Variants in SLC4A4 observed in about 807,000 individuals in gnomAD.
SLC4A4 encodes the protein solute carrier family 4 member 4.
In SLC4A4, 27 loss-of-function variants were observed where a neutral mutation model predicts 111.5. The ratio of observed to expected loss-of-function variants is 0.24; its 90% CI spans 0.18 to 0.33. The LOEUF (loss-of-function observed/expected upper bound fraction) is 0.33. SLC4A4 is among the 10% of genes least tolerant of loss of function. SLC4A4 has a pLI of 1.00. For synonymous variants in SLC4A4, 443 were observed against 463.4 expected (o/e 0.96, Z 0.57); for missense variants, 909 against 1,315.5 (o/e 0.69, Z 4.78).
In SLC4A4 at chr4:71,569,557, A is replaced by C. The variant is rs1398130228; in HGVS notation, c.*1806A>C. The C allele has an allele frequency of 6.6e-6, 1 of 151,706 alleles. No homozygotes were observed. The highest frequency in any genetic ancestry group is 2.4e-5 in the African/African-American group (1 of 41,370). 9.4% of individuals were successfully genotyped at this position (151,706 alleles called of 1,614,324 possible). A position where few individuals can be genotyped will look rare whatever the true frequency, so the allele number is the denominator to read the frequency against. ...TAATATGATACATTACATATTGTGAATGTATACTAAAAAAACATTTTAAAT... is the reference window on the plus strand; with the variant it reads ...TAATATGATACATTACATATTGTGACTGTATACTAAAAAAACATTTTAAAT... On this transcript the variant is annotated 3_prime_UTR_variant, in exon 26 of 26. Transcript: ENST00000264485.
At chr4:71,105,565 A>G (rs1742890688) in intron 2 of SLC4A4, among the ~76,000 whole-genome samples, 2 of 149,452 alleles carry the variant, frequency 1.3e-5, no homozygotes, top group Non-Finnish European at 3.0e-5. Context: ...TACTGGTACC[A>G]AAACAGAGAT....
intron 1 of SLC4A4, among the ~76,000 whole-genome samples, chr4:71,195,731 G>A (rs1206928707): frequency 6.6e-6 from 1 of 152,088 alleles, no homozygotes; most frequent in Non-Finnish European, 1.5e-5. Flanking sequence ...TTGACACATG[G>A]GATTTAAAAA....
chr4:71,300,765 T>G, intron 3 of SLC4A4: 1 of 365,286 alleles, frequency 2.7e-6, no homozygotes, highest in Non-Finnish European at 5.5e-6. Context: ...ACAGGCCATC[T>G]GGTGGATAGC....
chr4:71,255,167 C>G, intron 2 of SLC4A4, 53 bp from the exon 3 acceptor site: 1 of 1,467,108 alleles, frequency 6.8e-7, no homozygotes, highest in Non-Finnish European at 9.6e-7. Flanking sequence ...TGCAATTTGT[C>G]TGCAGTAGAG....
intron 1 of SLC4A4, among the ~76,000 whole-genome samples, chr4:71,218,590 T>C (rs1242438449): frequency 3.3e-5 from 5 of 152,180 alleles, no homozygotes; most frequent in Admixed American, 2.6e-4. Flanking sequence ...CTATTAGCAC[T>C]ATAATATTAT....
chr4:71,191,382 T>C (rs1745726156), intron 1 of SLC4A4, among the ~76,000 whole-genome samples: 1 of 152,240 alleles, frequency 6.6e-6, no homozygotes, highest in Non-Finnish European at 1.5e-5. Flanking sequence ...GGGATTGTTA[T>C]GCTTATTGAG....
intron 16 of SLC4A4, among the ~76,000 whole-genome samples, chr4:71,528,274 T>A (rs1362433503): frequency 6.6e-6 from 1 of 152,148 alleles, no homozygotes; most frequent in Non-Finnish European, 1.5e-5. Flanking sequence ...TGAGAATATA[T>A]GTTAATGCCA....
Position 71,459,559 on chromosome 4 carries a change from A to G in SLC4A4, c.1497+5890A>G, listed in dbSNP as rs140941255. Among the ~76,000 whole-genome samples the G allele has an allele frequency of 2.6e-4, 40 of 152,216 alleles. 3 individuals are homozygous for G. In the East Asian group the frequency reaches 7.5e-3, roughly 29 times the overall value. On this transcript the variant is annotated intron_variant, in intron 12 of 25. Transcript: ENST00000264485. ...TTAATGACCACATATATTTATGCACATGATGCATGTGCTATTACTATAACA... is the reference window on the plus strand; with the variant it reads ...TTAATGACCACATATATTTATGCACGTGATGCATGTGCTATTACTATAACA...
chr4:71,506,649 C>G (rs1224363239), intron 16 of SLC4A4, among the ~76,000 whole-genome samples: 2 of 152,000 alleles, frequency 1.3e-5, no homozygotes, highest in Non-Finnish European at 2.9e-5. Context: ...GGTAGTTTGA[C>G]TCCCAGTTTG....
At chr4:71,241,843 G>A (rs1427945987) in intron 2 of SLC4A4, among the ~76,000 whole-genome samples, 1 of 152,204 alleles carries the variant, frequency 6.6e-6, no homozygotes, top group African/African-American at 2.4e-5. Context: ...TAGTAACATA[G>A]GTTTCCCAGA....
chr4:71,201,339 T>C lies in SLC4A4; in HGVS notation c.-2+13938T>C, dbSNP rs376676869. Among the ~76,000 whole-genome samples, 41 of 152,300 alleles carry C rather than the reference T, an allele frequency of 2.7e-4. No homozygotes were observed. The East Asian group carries it at 4.4e-3, about 16-fold the overall frequency. On this transcript the variant is annotated intron_variant, in intron 1 of 25. Coordinates refer to ENST00000264485, the MANE Select transcript of SLC4A4 (RefSeq NM_001098484.3). ...CAACAACTGGTCATGATATATGGGC[T>C]GCCTCTGGAGAGGGGTGTGACCTTG...
intron 1 of SLC4A4, among the ~76,000 whole-genome samples, chr4:71,085,920 G>T (rs1468938991): frequency 6.6e-6 from 1 of 152,012 alleles, no homozygotes; most frequent in Non-Finnish European, 1.5e-5. Context: ...CTTTAAAGTA[G>T]TTTTTTCCAA....
chr4:71,527,742 G>A (rs1733547836), intron 16 of SLC4A4, among the ~76,000 whole-genome samples: 1 of 151,522 alleles, frequency 6.6e-6, no homozygotes, highest in Admixed American at 6.6e-5. Context: ...ATAACTATTT[G>A]TCTTCCTTCA....
chr4:71,150,727 T>C (rs1480493892), intron 2 of SLC4A4, among the ~76,000 whole-genome samples: 1 of 152,202 alleles, frequency 6.6e-6, no homozygotes, highest in African/African-American at 2.4e-5. Flanking sequence ...TTGGGATTTG[T>C]GACCCGAATT....
intron 1 of SLC4A4, among the ~76,000 whole-genome samples, chr4:71,074,586 A>G (rs1434572769): frequency 1.3e-5 from 2 of 151,888 alleles, no homozygotes; most frequent in Non-Finnish European, 2.9e-5. Context: ...AAAAGAAAGG[A>G]AGGAAAGGAG....
chr4:71,191,769 T>C (rs930313991), intron 1 of SLC4A4, among the ~76,000 whole-genome samples: 2 of 152,174 alleles, frequency 1.3e-5, no homozygotes, highest in African/African-American at 4.8e-5. Context: ...AGAATGAACA[T>C]AGAAAGAAAT....
chr4:71,263,250 C>A (rs966658043), intron 3 of SLC4A4, among the ~76,000 whole-genome samples: 9 of 152,076 alleles, frequency 5.9e-5, no homozygotes, highest in Admixed American at 2.0e-4. Flanking sequence ...CTCAGCAAGG[C>A]CACCTTAAGT....
chr4:71,202,298 A>G (rs992692095), intron 1 of SLC4A4, among the ~76,000 whole-genome samples: 7 of 152,140 alleles, frequency 4.6e-5, no homozygotes, highest in Admixed American at 3.3e-4. Context: ...GTCTCTGCCA[A>G]TTCATTTCTC....
intron 3 of SLC4A4, among the ~76,000 whole-genome samples, chr4:71,315,800 A>G (rs2148860947): frequency 6.6e-6 from 1 of 152,268 alleles, no homozygotes; most frequent in Non-Finnish European, 1.5e-5. Context: ...CACACATTAT[A>G]CTAAAGTATT....
Sources: gnomAD v4.1 joint callset for allele counts (sites outside exome capture counted in the v4.1 genomes callset) on GRCh38, gnomAD v4.1.1 for gene constraint, MANE v1.5 for transcripts, NCBI Gene and HGNC (gene_info 2026-07-23, HGNC 2026-07-21) for gene names.